The following SEC62 variants were observed in gnomAD, a reference collection of about 807,000 sequenced individuals.
SEC62 encodes translocation protein SEC62.
In SEC62, 10 loss-of-function variants were observed where a neutral mutation model predicts 47.5. The observed-to-expected ratio is 0.21, with a 90% CI of 0.13 to 0.36. The LOEUF (loss-of-function observed/expected upper bound fraction) is 0.36. SEC62 is among the 10% of genes least tolerant of loss of function. The pLI is 1.00. For synonymous variants in SEC62, 136 were observed against 150.5 expected (o/e 0.90, Z 0.71); for missense variants, 327 against 464.1 (o/e 0.70, Z 2.71).
At chr3:169,978,332 A>G (rs924243109) in intron 3 of SEC62, among the ~76,000 whole-genome samples, 4 of 152,142 alleles carry the variant, frequency 2.6e-5, no homozygotes, top group African/African-American at 7.2e-5. Context: ...TTTTGTAGCA[A>G]CTTGTCTAGT....
chr3:169,972,451 G>A (rs916069315), intron 1 of SEC62, among the ~76,000 whole-genome samples: 1 of 152,016 alleles, frequency 6.6e-6, no homozygotes, highest in Non-Finnish European at 1.5e-5. Flanking sequence ...CTTTCACTTT[G>A]TTGCCAAGGC....
In SEC62 at chr3:169,975,615, G is replaced by T; in HGVS notation, c.44G>T (p.Gly15Val). The T allele has an allele frequency of 1.2e-6, 2 of 1,609,450 alleles. No individual in the cohort carries two copies. The highest frequency in any genetic ancestry group is 1.7e-6 in the Non-Finnish European group (2 of 1,176,034). The change falls in exon 2 of 8, where the codon GGT (glycine) becomes GTT (valine). Residue 15 changes from glycine (G) to valine (V), a missense_variant. Coordinates refer to ENST00000337002, the MANE Select transcript of SEC62 (RefSeq NM_003262.4). ...AATATTCATATGTTGCAGGAAGTTG[G>T]TGAACCATCTAAAGAAGAGAAGGCT... The part of the protein sequence containing the change: ...RRHKKRIQEV[G>V]EPSKEEKAVA...
intron 5 of SEC62, chr3:169,983,535 A>G (rs773841293): frequency 4.6e-5 from 9 of 196,668 alleles, no homozygotes; most frequent in Non-Finnish European, 9.3e-5. Context: ...CTGTACAGAT[A>G]CGTCAGCTCC....
At chr3:169,974,208 C>T (rs1714772673) in intron 1 of SEC62, among the ~76,000 whole-genome samples, 1 of 152,056 alleles carries the variant, frequency 6.6e-6, no homozygotes, top group Middle Eastern at 3.2e-3. Flanking sequence ...TATTATTTGT[C>T]ATTTTATTCT....
chr3:169,973,140 C>T (rs75811590), intron 1 of SEC62, among the ~76,000 whole-genome samples: 10 of 152,024 alleles, frequency 6.6e-5, no homozygotes, highest in Admixed American at 1.3e-4. Flanking sequence ...TGAGGCTCTG[C>T]GAAGTGTAGT....
chr3:169,971,952 C>T (rs1453723736), intron 1 of SEC62, among the ~76,000 whole-genome samples: 1 of 152,134 alleles, frequency 6.6e-6, no homozygotes, highest in African/African-American at 2.4e-5. Flanking sequence ...ACATCTTTAC[C>T]TAGCCATTTT....
Position 169,993,059 on chromosome 3 carries a change from C to G in SEC62, c.1196C>G (p.Ser399Ter). ...GETPKSSHEK[S>*] Reference sequence around the variant, plus strand: ...ACACCTAAATCTTCACATGAAAAATCATAATCTGACTAATTTTGGGACTGA... The same window carrying G: ...ACACCTAAATCTTCACATGAAAAATGATAATCTGACTAATTTTGGGACTGA... Residue 399 changes from serine to a stop codon, truncating the protein, a stop_gained, in exon 8 of 8, where the codon TCA becomes TGA. Transcript: ENST00000337002. LOFTEE classifies it high-confidence loss of function. The G allele has an allele frequency of 6.3e-7, 1 of 1,586,842 alleles. No homozygotes were observed. The highest frequency in any genetic ancestry group is 1.2e-5 in the South Asian group (1 of 86,070).
chr3:169,989,935 A>T (rs1489528243), intron 7 of SEC62, among the ~76,000 whole-genome samples: 1 of 148,466 alleles, frequency 6.7e-6, no homozygotes, highest in Non-Finnish European at 1.5e-5. Flanking sequence ...TATATATATT[A>T]TGTATATCGC....
At chr3:169,989,912 T>A (rs1715198198) in intron 7 of SEC62, among the ~76,000 whole-genome samples, 1 of 149,072 alleles carries the variant, frequency 6.7e-6, no homozygotes, top group Non-Finnish European at 1.5e-5. Flanking sequence ...TTTATATTAT[T>A]CTTTGAAGTC....
At chr3:169,967,501 A>T (rs1225926441) in intron 1 of SEC62, among the ~76,000 whole-genome samples, 1 of 152,130 alleles carries the variant, frequency 6.6e-6, no homozygotes, top group East Asian at 1.9e-4. Context: ...GACGTGGTGT[A>T]AACAACCACA....
chr3:169,982,780 G>C lies in SEC62; in HGVS notation c.325G>C (p.Glu109Gln). 6.3e-7 allele frequency: 1 copy of C among 1,583,122 alleles called. No homozygotes were observed. Among genetic ancestry groups the C allele is most frequent in the Non-Finnish European group, 8.6e-7 (1 of 1,164,052 alleles). Residue 109 changes from glutamate to glutamine, a missense_variant, in exon 4 of 8, where the codon GAA (glutamate) becomes CAA (glutamine). This residue lies in a region of SEC62 where 126 missense variants were observed against 161.2 expected (regional missense o/e 0.78). Transcript: ENST00000337002. Reference protein sequence around the residue: ...KMKYDKDIKKEKDKGKAESGK... With the variant: ...KMKYDKDIKKQKDKGKAESGK... ...GAAATATGATAAAGACATAAAGAAA[G>C]AAAAAGATAAAGGAAAAGCTGAAAG...
intron 5 of SEC62, chr3:169,983,462 T>C: frequency 2.7e-6 from 1 of 371,406 alleles, no homozygotes; most frequent in Non-Finnish European, 4.9e-6. Context: ...AAACCTGAAA[T>C]AAAAGCATCT....
At chr3:169,975,841 GTTGA>G (rs1158896524) in intron 2 of SEC62, 125 bp downstream of exon 2, 1 of 558,612 alleles carries the variant, frequency 1.8e-6, no homozygotes, top group Non-Finnish European at 3.3e-6. Context: ...ACATATGGCA[GTTGA>G]TTATTCTGTT....
intron 1 of SEC62, among the ~76,000 whole-genome samples, chr3:169,967,117 T>G (rs1714549759): frequency 1.3e-5 from 2 of 152,120 alleles, no homozygotes; most frequent in Non-Finnish European, 2.9e-5. Context: ...AGAATCCGGC[T>G]GCGGAGGCGC....
intron 2 of SEC62, among the ~76,000 whole-genome samples, chr3:169,976,374 GA>G (rs5854361): frequency 4.7e-5 from 7 of 149,350 alleles, no homozygotes; most frequent in East Asian, 1.9e-4. Context: ...TCTCTTAGAA[GA>G]AAAAAAAAAC....
At chr3:169,976,692 T>G (rs1559964803) in intron 2 of SEC62, among the ~76,000 whole-genome samples, 1 of 152,226 alleles carries the variant, frequency 6.6e-6, no homozygotes, top group East Asian at 1.9e-4. Flanking sequence ...TATTTCCCCA[T>G]TAATTTAACT....
intron 7 of SEC62, among the ~76,000 whole-genome samples, chr3:169,991,117 C>T (rs1406081283): frequency 6.6e-6 from 1 of 152,108 alleles, no homozygotes; most frequent in African/African-American, 2.4e-5. Context: ...AATTCAAATT[C>T]CATTTTTCTA....
At chr3:169,979,553 A>G (rs996806962) in intron 3 of SEC62, among the ~76,000 whole-genome samples, 1 of 152,140 alleles carries the variant, frequency 6.6e-6, no homozygotes, top group African/African-American at 2.4e-5. Flanking sequence ...TCTTGTGCAC[A>G]TGCCACACTC....
chr3:169,991,949 A>G (rs1715257200), intron 7 of SEC62, among the ~76,000 whole-genome samples: 1 of 152,344 alleles, frequency 6.6e-6, no homozygotes, highest in African/African-American at 2.4e-5. Context: ...CAGAAAATAT[A>G]GTCATAAATG....
Sources: allele counts gnomAD v4.1 joint callset (sites outside exome capture counted in the v4.1 genomes callset), GRCh38; gene constraint gnomAD v4.1.1; regional missense constraint gnomAD v4.1.1; transcripts MANE v1.5; gene names NCBI Gene and HGNC (gene_info 2026-07-23, HGNC 2026-07-21).